AIRE: variants seen among roughly 807,000 people sequenced by gnomAD.
AIRE encodes the protein autoimmune regulator.
Under a neutral mutation model 62.1 loss-of-function variants are expected in AIRE, and 52 were observed. The ratio of observed to expected loss-of-function variants is 0.84; its 90% CI spans 0.67 to 1.06. The LOEUF is 1.06. Among genes scored for constraint, AIRE ranks in the 50% least tolerant of loss-of-function variants. AIRE has a pLI of 0.00. For missense variants in AIRE, 774 were observed against 755.8 expected, an observed-to-expected ratio of 1.02 and a Z score of -0.28; for synonymous variants, 342 against 321.6, an observed-to-expected ratio of 1.06 and a Z score of -0.68.
At chr21:44,293,327 T>TGGGGGGGGTGGGGGGGGGGGG in intron 10 of AIRE, 152 bp downstream of exon 10, 2 of 109,042 alleles carry the variant, frequency 1.8e-5, no homozygotes, top group Non-Finnish European at 1.7e-5. Flanking sequence ...CGTGGGGGGC[T>TGGGGGGGGTGGGGGGGGGGGG]GCGGGGGGAA....
Position 44,286,639 on chromosome 21 carries a change from C to A in AIRE, c.215C>A (p.Thr72Lys). The stretch of plus-strand genomic sequence containing the variant: ...TCCTGGCTGCTGACCCAGGACTCCA[C>A]AGCCATCCTGGACTTCTGGAGGGTG... ...LLSWLLTQDS[T>K]AILDFWRVLF... is the part of the protein sequence containing the mutation. The change falls in exon 2 of 14, where the codon ACA becomes AAA. Residue 72 changes from threonine (T) to lysine (K), a missense_variant. Physicochemically the swap from Thr to Lys is moderately conservative, Grantham distance 78 (BLOSUM62 -1). Around this residue, in one of 3 missense-constraint regions of AIRE, gnomAD observed 385 missense variants for 396.0 expected, o/e 0.97. Coordinates refer to ENST00000291582, the MANE Select transcript of AIRE (RefSeq NM_000383.4). This position sits in a 1 kb window ranked among gnomAD's most constrained non-coding sequence, Gnocchi z 6.0. The A allele has an allele frequency of 1.9e-6, 3 of 1,613,034 alleles. No homozygotes were observed. The highest frequency in any genetic ancestry group is 2.5e-6 in the Non-Finnish European group (3 of 1,179,962).
At position 44,292,369 on chromosome 21, in the gene AIRE, C is replaced by A. The variant is rs1405678537; in HGVS notation, c.1063C>A (p.Pro355Thr). ...GGAGGTGCAGCCCCGGGCAGAGGAG[C>A]CCCGGCCCCAGGAGCCACCCGTGGA... ...VQEVQPRAEE[P>T]RPQEPPVETP... The change falls in exon 9 of 14, where the codon CCC becomes ACC. Residue 355 changes from proline to threonine, a missense_variant. This residue lies in a region of AIRE where 354 missense variants were observed against 296.1 expected (regional missense o/e 1.20). Coordinates refer to ENST00000291582, the MANE Select transcript of AIRE (RefSeq NM_000383.4). 3.2e-6 allele frequency: 5 copies of A among 1,564,164 alleles called. No individual in the cohort carries two copies. In the African/African-American group the frequency reaches 4.1e-5, roughly 13 times the overall value.
Position 44,287,024 on chromosome 21 carries a change from C to G in AIRE, c.354C>G (p.Val118=), listed in dbSNP as rs528667089. The change falls in exon 3 of 14, where the codon GTC becomes GTG. Residue 118 remains valine (V), a synonymous_variant. Transcript: ENST00000291582. This position sits in a 1 kb window ranked among gnomAD's most constrained non-coding sequence, Gnocchi z 4.3. The stretch of plus-strand genomic sequence containing the variant: ...GGAAGGGGAGGAAGCCCCCGGCCGT[C>G]CCCAAGGCTTTGGTACCGCCACCCA... ...QPRKGRKPPA[V]PKALVPPPRL... is the part of the protein sequence containing the mutation. 192 of 1,612,834 alleles carry G rather than the reference C, an allele frequency of 1.2e-4. 1 individual carries two copies. Among genetic ancestry groups the G allele is most frequent in the Middle Eastern group, 5.0e-4 (3 of 6,060 alleles).
chr21:44,293,601 C>T (rs1394010714), intron 10 of AIRE, among the ~76,000 whole-genome samples, 188 bp from the exon 11 acceptor site: 1 of 152,116 alleles, frequency 6.6e-6, no homozygotes, highest in East Asian at 1.9e-4. Context: ...TGGGTCGCCC[C>T]TGCCTCCTGG....
At position 44,292,372 on chromosome 21, in the gene AIRE, C is replaced by G. The variant is rs376901046; in HGVS notation, c.1066C>G (p.Arg356Gly). 3.8e-6 allele frequency: 6 copies of G among 1,562,056 alleles called. No homozygotes were observed. The African/African-American group carries it at 6.8e-5, about 18-fold the overall frequency. Residue 356 changes from arginine (R) to glycine (G), a missense_variant, in exon 9 of 14, where the codon CGG becomes GGG. This residue lies in a region of AIRE where 354 missense variants were observed against 296.1 expected (regional missense o/e 1.20). Coordinates refer to ENST00000291582, the MANE Select transcript of AIRE (RefSeq NM_000383.4). ...GGTGCAGCCCCGGGCAGAGGAGCCC[C>G]GGCCCCAGGAGCCACCCGTGGAGAC... Reference protein sequence around the residue: ...QEVQPRAEEPRPQEPPVETPL... With the variant: ...QEVQPRAEEPGPQEPPVETPL...
rs1417557360 is a variant in AIRE, at chr21:44,287,052, C to A, written c.382C>A (p.Leu128Ile). ...VPKALVPPPR[L>I]PTKRKASEEA... Reference sequence around the variant, plus strand: ...CAAGGCTTTGGTACCGCCACCCAGACTCCCCACCAAGAGGAAGGCCTCAGA... The same window carrying A: ...CAAGGCTTTGGTACCGCCACCCAGAATCCCCACCAAGAGGAAGGCCTCAGA... The change falls in exon 3 of 14, where the codon CTC becomes ATC. Residue 128 changes from leucine to isoleucine, a missense_variant. Leu to Ile is a conservative substitution (Grantham distance 5). Coordinates refer to ENST00000291582, the MANE Select transcript of AIRE (RefSeq NM_000383.4). This position sits in a 1 kb window ranked among gnomAD's most constrained non-coding sequence, Gnocchi z 4.3. The A allele has an allele frequency of 6.2e-6, 10 of 1,612,826 alleles. No homozygotes were observed. The highest frequency in any genetic ancestry group is 8.5e-6 in the Non-Finnish European group (10 of 1,180,000).
At chr21:44,292,500 G>A in intron 9 of AIRE, 99 bp downstream of exon 9, 3 of 830,528 alleles carry the variant, frequency 3.6e-6, no homozygotes, top group Middle Eastern at 3.4e-4. Context: ...CTGTCCCCTG[G>A]AGTCCTGTGG....
At position 44,298,172 on chromosome 21, in the gene AIRE, T is replaced by C. The variant is rs532995829; in HGVS notation, c.*445T>C. On this transcript the variant is annotated 3_prime_UTR_variant, in exon 14 of 14. Coordinates refer to ENST00000291582, the MANE Select transcript of AIRE (RefSeq NM_000383.4). ...ACAAAAAAACCACATAACATAAATT[T>C]ATCATCTCGACCACTTTTCAGTTCA... 3.6e-4 allele frequency: 87 copies of C among 239,442 alleles called. No homozygotes were observed. The highest frequency in any genetic ancestry group is 1.9e-3 in the African/African-American group (84 of 44,042). 14.8% of individuals were successfully genotyped at this position (239,442 alleles called of 1,614,324 possible).
At position 44,287,571 on chromosome 21, in the gene AIRE, A is replaced by G; in HGVS notation, c.518A>G (p.Gln173Arg). The G allele has an allele frequency of 1.3e-6, 2 of 1,557,914 alleles. No individual in the cohort carries two copies. The highest frequency in any genetic ancestry group is 2.7e-5 in the African/African-American group (2 of 73,724). The change falls in exon 4 of 14, where the codon CAG becomes CGG. Residue 173 changes from glutamine (Q) to arginine (R), a missense_variant. Transcript: ENST00000291582. This position sits in a 1 kb window ranked among gnomAD's most constrained non-coding sequence, Gnocchi z 4.3. The part of the protein sequence containing the change: ...PKKPESSAEQ[Q>R]RLPLGNGIQT... ...AAGCCGGAGAGCAGCGCAGAGCAGC[A>G]GCGCCTTCCACTCGGGAACGGTGAG...
intron 8 of AIRE, 38 bp from the exon 9 acceptor site, chr21:44,292,264 T>C: frequency 6.6e-7 from 1 of 1,518,410 alleles, no homozygotes; most frequent in Non-Finnish European, 9.0e-7. Context: ...ACCCGCTGTC[T>C]TGTTCTGCAT....
intron 7 of AIRE, 142 bp from the exon 8 acceptor site, chr21:44,290,953 T>C: frequency 6.2e-7 from 1 of 1,612,484 alleles, no homozygotes; most frequent in Non-Finnish European, 8.5e-7. Flanking sequence ...TTTCAGGCCC[T>C]GGCAGCATGG....
At chr21:44,292,461 C>T (rs2040552782) in intron 9 of AIRE, 60 bp downstream of exon 9, 2 of 1,213,126 alleles carry the variant, frequency 1.6e-6, no homozygotes, top group Non-Finnish European at 2.3e-6. Context: ...CACGCCCCCT[C>T]CTAGGCTGGG....
At chr21:44,290,552 G>C in intron 7 of AIRE, 1 of 786,158 alleles carries the variant, frequency 1.3e-6, no homozygotes, top group Non-Finnish European at 1.5e-6. Context: ...GTCCTGCCCT[G>C]CAGGAGCACC....
chr21:44,297,062 C>T lies in AIRE; in HGVS notation c.1567-594C>T, dbSNP rs1263188376. 6.6e-6 allele frequency among the ~76,000 whole-genome samples: 1 copy of T among 152,184 alleles called. No individual in the cohort carries two copies. Among genetic ancestry groups the T allele is most frequent in the Admixed American group, 6.5e-5 (1 of 15,284 alleles). ...GCAGGGGTTCTGCCCTGTGCAGTGG[C>T]CGTGCCCCACACACCCTGACCGTGC... On this transcript the variant is annotated intron_variant, in intron 13 of 13. Transcript: ENST00000291582. The surrounding 1 kb of genome is among the most constrained non-coding windows in gnomAD (Gnocchi z 4.8).
In AIRE at chr21:44,293,564, G is replaced by A. The variant is rs2040567462; in HGVS notation, c.1279-225G>A. ...AGCAGGAGAGAGGTGCGGGCGCCAG[G>A]CTTGCAGGCAGCAGCCTGAGGGTGC... On this transcript the variant is annotated intron_variant, in intron 10 of 13. Coordinates refer to ENST00000291582, the MANE Select transcript of AIRE (RefSeq NM_000383.4). Among the ~76,000 whole-genome samples the A allele has an allele frequency of 2.6e-5, 4 of 152,216 alleles. No individual in the cohort carries two copies. In the South Asian group the frequency reaches 8.3e-4, roughly 32 times the overall value.
chr21:44,288,413 C>T lies in AIRE; in HGVS notation c.607C>T (p.Arg203Ter), dbSNP rs755490967. The T allele has an allele frequency of 8.7e-6, 14 of 1,612,570 alleles. 1 individual carries two copies. The highest frequency in any genetic ancestry group is 2.2e-5 in the East Asian group (1 of 44,878). The part of the protein sequence containing the change: ...AMSSGDVPGA[R>*]GAVEGILIQQ... ...GTCCTCCGGGGACGTCCCGGGAGCC[C>T]GAGGGGCCGTGGAGGGGATCCTCAT... Residue 203 changes from arginine (R) to a stop codon, truncating the protein, a stop_gained, in exon 5 of 14, where the codon CGA becomes TGA. Transcript: ENST00000291582. LOFTEE classifies it high-confidence loss of function.
rs536964115 is a variant in AIRE at position 44,294,358 on chromosome 21, C to T, written c.1401-43C>T. The T allele has an allele frequency of 1.5e-5, 21 of 1,412,612 alleles. No homozygotes were observed. The African/African-American group carries it at 2.1e-4, about 14-fold the overall frequency. 87.5% of individuals were successfully genotyped at this position (1,412,612 alleles called of 1,614,324 possible). On this transcript the variant is annotated intron_variant, in intron 11 of 13. Transcript: ENST00000291582. Reference sequence around the variant, plus strand: ...ACCCCATACCCCGGAGGTGGCACTCCTGCTCCCCCCCAGGGCTGGCAGCCC... The same window carrying T: ...ACCCCATACCCCGGAGGTGGCACTCTTGCTCCCCCCCAGGGCTGGCAGCCC...
intron 7 of AIRE, chr21:44,290,455 G>A (rs2040524818): frequency 1.0e-6 from 1 of 984,502 alleles, no homozygotes; most frequent in Admixed American, 6.2e-5. Flanking sequence ...GCAGTGTGGG[G>A]GGTGCCTGCC....
At position 44,294,353 on chromosome 21, in the gene AIRE, C is replaced by T; in HGVS notation, c.1401-48C>T. 3.8e-6 allele frequency: 5 copies of T among 1,315,438 alleles called. No individual in the cohort carries two copies. The South Asian group carries it at 6.4e-5, about 17-fold the overall frequency. The allele number at this position is 1,315,438 out of a possible 1,614,324, so 81.5% of individuals were successfully genotyped here. On this transcript the variant is annotated intron_variant, in intron 11 of 13. Coordinates refer to ENST00000291582, the MANE Select transcript of AIRE (RefSeq NM_000383.4). The stretch of plus-strand genomic sequence containing the variant: ...CCCACACCCCATACCCCGGAGGTGG[C>T]ACTCCTGCTCCCCCCCAGGGCTGGC...
Sources: allele counts gnomAD v4.1 joint callset (sites outside exome capture counted in the v4.1 genomes callset), GRCh38; gene constraint gnomAD v4.1.1; regional missense constraint gnomAD v4.1.1; non-coding constraint Gnocchi (gnomAD v3.1); transcripts MANE v1.5; gene names NCBI Gene and HGNC (gene_info 2026-07-23, HGNC 2026-07-21).